The following PCDHGB3 variants were observed in gnomAD, a reference collection of about 807,000 sequenced individuals.
The protein encoded by PCDHGB3 is protocadherin gamma-B3.
Under a neutral mutation model 59.2 loss-of-function variants are expected in PCDHGB3, and 40 were observed. The ratio of observed to expected loss-of-function variants is 0.68; its 90% confidence interval spans 0.52 to 0.88. PCDHGB3 has a LOEUF of 0.88. Among genes scored for constraint, PCDHGB3 ranks in the 40% least tolerant of loss-of-function variants. The pLI, the probability that PCDHGB3 is intolerant of heterozygous loss-of-function variation, is 0.00. For synonymous variants in PCDHGB3, 581 were observed against 503.6 expected (o/e 1.15, Z -2.06); for missense variants, 1,309 against 1,187.9 (o/e 1.10, Z -1.50).
rs532725430 is a variant in PCDHGB3, at chr5:141,429,107, G to A, written c.2415+56298G>A. On this transcript the variant is annotated intron_variant, in intron 1 of 3. Transcript: ENST00000576222. ...CTGACCTCGTGATCTGCCCGCCTCG[G>A]CCTCCCAAAGTGCTGGGATTATAGG... The A allele has an allele frequency of 3.8e-3, 579 of 152,026 alleles. 5 individuals are homozygous for A. Among genetic ancestry groups the A allele is most frequent in the Admixed American group, 0.011 (166 of 15,232 alleles). The allele number at this position is 152,026 out of a possible 1,614,324, so 9.4% of individuals were successfully genotyped here. A position where few individuals can be genotyped will look rare whatever the true frequency, so the allele number is the denominator to read the frequency against.
At chr5:141,422,865 C>A in intron 1 of PCDHGB3, 6 of 1,614,244 alleles carry the variant, frequency 3.7e-6, no homozygotes, top group Non-Finnish European at 5.1e-6. Flanking sequence ...TCAGCAGCAA[C>A]GTGTCGCTGA....
intron 1 of PCDHGB3, chr5:141,423,971 G>T: frequency 8.8e-7 from 1 of 1,136,014 alleles, no homozygotes; most frequent in Non-Finnish European, 1.1e-6. Context: ...TCTATTATCA[G>T]TGTATGAGGC....
intron 1 of PCDHGB3, chr5:141,396,327 A>C (rs1370175057): frequency 6.6e-6 from 1 of 152,430 alleles, no homozygotes; most frequent in Non-Finnish European, 1.5e-5. Flanking sequence ...CTCTAAAAAA[A>C]CTATTATTAG....
intron 1 of PCDHGB3, chr5:141,393,081 A>T (rs1005323306): frequency 6.2e-7 from 1 of 1,613,672 alleles, no homozygotes; most frequent in South Asian, 1.1e-5. Flanking sequence ...CGCGGGCAGG[A>T]TAGATCGGGA....
At chr5:141,438,631 TATATACACAC>T (rs1330021858) in intron 1 of PCDHGB3, among the ~76,000 whole-genome samples, 2,835 of 42,824 alleles carry the variant, frequency 0.066, 23 homozygotes, top group African/African-American at 0.13. Flanking sequence ...TATATATATA[TATATACACAC>T]ACACACACAC....
intron 1 of PCDHGB3, among the ~76,000 whole-genome samples, chr5:141,488,635 C>T (rs1476156734): frequency 6.6e-6 from 1 of 152,152 alleles, no homozygotes; most frequent in Non-Finnish European, 1.5e-5. Flanking sequence ...ACCTTAGCAG[C>T]ATTCAGCAGG....
At chr5:141,425,413 T>G (rs2096873899) in intron 1 of PCDHGB3, among the ~76,000 whole-genome samples, 1 of 152,202 alleles carries the variant, frequency 6.6e-6, no homozygotes, top group African/African-American at 2.4e-5. Context: ...AGGTATAACA[T>G]ATAGTCCCAT....
In PCDHGB3 at chr5:141,489,621, T is replaced by C. The variant is rs765666746; in HGVS notation, c.2416-5186T>C. 29 of 1,613,978 alleles carry C rather than the reference T, an allele frequency of 1.8e-5. No individual in the cohort carries two copies. The highest frequency in any genetic ancestry group is 1.6e-4 in the Middle Eastern group (1 of 6,084). On this transcript the variant is annotated intron_variant, in intron 1 of 3. Transcript: ENST00000576222. The surrounding 1 kb of genome is among the most constrained non-coding windows in gnomAD (Gnocchi z 4.5). ...TAGAGGTAGAGATCCTGGATCTCAATGACAACTCTCCTAGCTTTGCCACCC... is the reference window on the plus strand; with the variant it reads ...TAGAGGTAGAGATCCTGGATCTCAACGACAACTCTCCTAGCTTTGCCACCC...
chr5:141,477,274 G>A lies in PCDHGB3; in HGVS notation c.2416-17533G>A. The A allele has an allele frequency of 2.5e-6, 4 of 1,614,034 alleles. No homozygotes were observed. Among genetic ancestry groups the A allele is most frequent in the East Asian group, 2.2e-5 (1 of 44,880 alleles). ...ACCTGGATGCTGGCGAGAACGGGCT[G>A]GTGACCTGCGAAGTTCCACCGGGTC... On this transcript the variant is annotated intron_variant, in intron 1 of 3. Coordinates refer to ENST00000576222, the MANE Select transcript of PCDHGB3 (RefSeq NM_018924.5). This position sits in a 1 kb window ranked among gnomAD's most constrained non-coding sequence, Gnocchi z 4.9.
intron 1 of PCDHGB3, among the ~76,000 whole-genome samples, chr5:141,380,341 G>A (rs1359705635): frequency 6.6e-6 from 1 of 152,024 alleles, no homozygotes; most frequent in Non-Finnish European, 1.5e-5. Context: ...TCAAAGAACT[G>A]TTTTGTTGTT....
chr5:141,477,553 A>T lies in PCDHGB3; in HGVS notation c.2416-17254A>T, dbSNP rs1478806410. 6.2e-7 allele frequency: 1 copy of T among 1,614,090 alleles called. No homozygotes were observed. Among genetic ancestry groups the T allele is most frequent in the Admixed American group, 1.7e-5 (1 of 60,028 alleles). On this transcript the variant is annotated intron_variant, in intron 1 of 3. Coordinates refer to ENST00000576222, the MANE Select transcript of PCDHGB3 (RefSeq NM_018924.5). The surrounding 1 kb of genome is among the most constrained non-coding windows in gnomAD (Gnocchi z 4.9). ...TCCCCGGGGCTCCAATACTAAACCT[A>T]AGTGTCTGGGACCCCGACGCCCCGC...
At position 141,418,416 on chromosome 5, in the gene PCDHGB3, C is replaced by A. The variant is rs377542164; in HGVS notation, c.2415+45607C>A. On this transcript the variant is annotated intron_variant, in intron 1 of 3. Transcript: ENST00000576222. ...TTCTCATTGGTGGAGAAAGACAATC[C>A]TGATGGTGGCAAATATCCAGAATTA... The A allele has an allele frequency of 3.7e-6, 6 of 1,613,866 alleles. No individual in the cohort carries two copies. The African/African-American group carries it at 8.0e-5, about 22-fold the overall frequency.
chr5:141,394,302 C>T (rs1380425662), intron 1 of PCDHGB3: 1 of 1,614,010 alleles, frequency 6.2e-7, no homozygotes, highest in Non-Finnish European at 8.5e-7. Flanking sequence ...GGACACGCTG[C>T]AGGGGGCGCC....
intron 2 of PCDHGB3, among the ~76,000 whole-genome samples, chr5:141,502,723 G>C (rs771399677): frequency 3.9e-5 from 6 of 152,124 alleles, no homozygotes; most frequent in Non-Finnish European, 8.8e-5. Flanking sequence ...TGATTACAAA[G>C]CGGTGATGTT....
At position 141,501,332 on chromosome 5, in the gene PCDHGB3, CA is replaced by C. The variant is rs1257793029; in HGVS notation, c.2475-4060del. 1.8e-3 allele frequency among the ~76,000 whole-genome samples: 265 copies of C among 149,784 alleles called. 1 individual carries two copies. The highest frequency in any genetic ancestry group is 5.2e-3 in the African/African-American group (209 of 40,512). On this transcript the variant is annotated intron_variant, in intron 2 of 3. Transcript: ENST00000576222. Reference sequence around the variant, plus strand: ...ACACACACACACACACACACACACACACCCCAAACTCAATAGGGCAAGAACC... The same window carrying C: ...ACACACACACACACACACACACACACCCCCAAACTCAATAGGGCAAGAACC...
chr5:141,495,465 G>A (rs563411010), intron 2 of PCDHGB3, among the ~76,000 whole-genome samples: 3 of 152,182 alleles, frequency 2.0e-5, no homozygotes, highest in Non-Finnish European at 2.9e-5. Context: ...TGTCTGTGGG[G>A]TCTCCGTGTC....
At chr5:141,395,547 TGTGTGTG>T (rs1561655273) in intron 1 of PCDHGB3, 9,050 of 174,290 alleles carry the variant, frequency 0.052, 489 homozygotes, top group Middle Eastern at 0.08. Context: ...ATTGTTTGTG[TGTGTGTG>T]TGTGTGTGTG....
At chr5:141,438,834 T>A (rs915381229) in intron 1 of PCDHGB3, among the ~76,000 whole-genome samples, 5 of 150,606 alleles carry the variant, frequency 3.3e-5, no homozygotes, top group South Asian at 2.1e-4. Context: ...GCTAATTTTT[T>A]AAAATATTTT....
chr5:141,495,921 T>C (rs959070876), intron 2 of PCDHGB3, among the ~76,000 whole-genome samples: 1 of 152,196 alleles, frequency 6.6e-6, no homozygotes, highest in Non-Finnish European at 1.5e-5. Context: ...TCTTTCTTTG[T>C]CTCTGTCTCT....
Sources: allele counts gnomAD v4.1 joint callset (sites outside exome capture counted in the v4.1 genomes callset), GRCh38; gene constraint gnomAD v4.1.1; non-coding constraint Gnocchi (gnomAD v3.1); transcripts MANE v1.5; gene names NCBI Gene and HGNC (gene_info 2026-07-23, HGNC 2026-07-21).